The following LMO4 variants were observed in gnomAD, a reference collection of about 807,000 sequenced individuals.
LMO4 encodes the protein LIM domain transcription factor LMO4.
In LMO4, 3 loss-of-function variants were observed where a neutral mutation model predicts 18.5. The observed-to-expected ratio is 0.16, with a 90% CI of 0.07 to 0.42. The LOEUF is 0.42. Ranked by LOEUF, LMO4 falls within the 10% of genes least tolerant of loss-of-function variation. The pLI is 0.99. For synonymous variants in LMO4, 100 were observed against 88.1 expected, an observed-to-expected ratio of 1.14 and a Z score of -0.76; for missense variants, 121 against 219.9, an observed-to-expected ratio of 0.55 and a Z score of 2.84.
At chr1:87,333,068 A>G (rs1650200755) in intron 2 of LMO4, among the ~76,000 whole-genome samples, 1 of 152,242 alleles carries the variant, frequency 6.6e-6, no homozygotes, top group African/African-American at 2.4e-5. Flanking sequence ...AGCAATGTAT[A>G]GGAACATTCA....
At position 87,348,792 on chromosome 1, in the gene LMO4, C is replaced by T. The variant is rs766258734; in HGVS notation, c.*3996C>T. ...GAATGTTTTCAAGTTCAGATTGATT[C>T]TGCTGAGAATGGACGGCAACTCGGA... On this transcript the variant is annotated 3_prime_UTR_variant, in exon 5 of 5. Transcript: ENST00000370544. The T allele has an allele frequency of 5.9e-6, 3 of 509,844 alleles. No individual in the cohort carries two copies. Among genetic ancestry groups the T allele is most frequent in the African/African-American group, 1.9e-5 (1 of 51,828 alleles). The allele number at this position is 509,844 out of a possible 1,614,324, so 31.6% of individuals were successfully genotyped here.
chr1:87,345,674 A>G lies in LMO4; in HGVS notation c.*878A>G, dbSNP rs759290419. The G allele has an allele frequency of 3.3e-5, 5 of 152,198 alleles. No homozygotes were observed. The highest frequency in any genetic ancestry group is 6.5e-5 in the Admixed American group (1 of 15,280). The allele number at this position is 152,198 out of a possible 1,614,324, so 9.4% of individuals were successfully genotyped here. On this transcript the variant is annotated 3_prime_UTR_variant, in exon 5 of 5. Transcript: ENST00000370544. ...TTGTTGAATAACAAGCTCACTTTAA[A>G]TTTGAAGGAGTTGAGGGAGGTGGAG... is the stretch of plus-strand genomic sequence containing the variant.
At chr1:87,331,937 T>C in intron 1 of LMO4, 76 bp from the exon 2 acceptor site, 5 of 1,215,750 alleles carry the variant, frequency 4.1e-6, no homozygotes, top group Non-Finnish European at 5.9e-6. Flanking sequence ...GGGCTTGCTC[T>C]CTCTCCGGCG....
Position 87,344,987 on chromosome 1 carries a change from T to C in LMO4, c.*191T>C. 2.1e-6 allele frequency: 1 copy of C among 473,578 alleles called. No homozygotes were observed. The highest frequency in any genetic ancestry group is 3.7e-6 in the Non-Finnish European group (1 of 267,048). 29.3% of individuals were successfully genotyped at this position (473,578 alleles called of 1,614,324 possible). ...TATTAAAATGACTGAATATGAACAT[T>C]AAGGACTCCATGAACCTGGGCTAAT... On this transcript the variant is annotated 3_prime_UTR_variant, in exon 5 of 5. Coordinates refer to ENST00000370544, the MANE Select transcript of LMO4 (RefSeq NM_006769.4).
In LMO4 at chr1:87,340,155, G is replaced by A; in HGVS notation, c.442G>A (p.Gly148Ser). ...TGATAGACCTACAGCTCTCATCAAT[G>A]GCCATTTGAATTCACTTCAGAGCAA... ...EHDRPTALIN[G>S]HLNSLQSNPL... is the part of the protein sequence containing the mutation. The change falls in exon 4 of 5, where the codon GGC becomes AGC. Residue 148 changes from glycine to serine, a missense_variant. Gly to Ser is a moderately conservative substitution (Grantham distance 56). This residue lies in a region of LMO4 where 62 missense variants were observed against 128.8 expected (regional missense o/e 0.48). Transcript: ENST00000370544. 6.2e-7 allele frequency: 1 copy of A among 1,614,016 alleles called. No individual in the cohort carries two copies.
chr1:87,340,402 C>A (rs935105246), intron 4 of LMO4, among the ~76,000 whole-genome samples, 200 bp downstream of exon 4: 5 of 152,098 alleles, frequency 3.3e-5, no homozygotes, highest in African/African-American at 1.2e-4. Flanking sequence ...AAAAAAAAAT[C>A]CTGACTTTGT....
Position 87,344,899 on chromosome 1 carries a change from A to C in LMO4, c.*103A>C. 1 of 1,112,770 alleles carries C rather than the reference A, an allele frequency of 9.0e-7. No individual in the cohort carries two copies. Among genetic ancestry groups the C allele is most frequent in the Non-Finnish European group, 1.4e-6 (1 of 727,582 alleles). 68.9% of individuals were successfully genotyped at this position (1,112,770 alleles called of 1,614,324 possible). A position where few individuals can be genotyped will look rare whatever the true frequency, so the allele number is the denominator to read the frequency against. On this transcript the variant is annotated 3_prime_UTR_variant, in exon 5 of 5. Coordinates refer to ENST00000370544, the MANE Select transcript of LMO4 (RefSeq NM_006769.4). Reference sequence around the variant, plus strand: ...ACAAGTCACCTTTGTAGCTAGCACCAGTGCCAGCTCCATGCCATTGCACCT... The same window carrying C: ...ACAAGTCACCTTTGTAGCTAGCACCCGTGCCAGCTCCATGCCATTGCACCT...
At position 87,344,947 on chromosome 1, in the gene LMO4, C is replaced by T. The variant is rs1251799513; in HGVS notation, c.*151C>T. On this transcript the variant is annotated 3_prime_UTR_variant, in exon 5 of 5. Coordinates refer to ENST00000370544, the MANE Select transcript of LMO4 (RefSeq NM_006769.4). ...CCTTCTTTAGTCTTGATTGCCCTTC[C>T]CGCATTTATTGGTGTATTAAAATGA... is the stretch of plus-strand genomic sequence containing the variant. 4 of 691,770 alleles carry T rather than the reference C, an allele frequency of 5.8e-6. No homozygotes were observed. Among genetic ancestry groups the T allele is most frequent in the Non-Finnish European group, 7.6e-6 (3 of 395,850 alleles). 42.9% of individuals were successfully genotyped at this position (691,770 alleles called of 1,614,324 possible). A position where few individuals can be genotyped will look rare whatever the true frequency, so the allele number is the denominator to read the frequency against.
At chr1:87,331,077 C>T (rs1239789924) in intron 1 of LMO4, 1 of 41,952 alleles carries the variant, frequency 2.4e-5, no homozygotes, top group South Asian at 1.7e-3. Flanking sequence ...CCCCCCCCCC[C>T]CCGCCCTTTG....
rs1179796690 is a variant in LMO4, at chr1:87,348,262, A to C, written c.*3466A>C. On this transcript the variant is annotated 3_prime_UTR_variant, in exon 5 of 5. Transcript: ENST00000370544. ...AAAACCCCATCACCCTTCACCCCAAAGACCCCTTCACCCTTCACCAGGGAA... is the reference window on the plus strand; with the variant it reads ...AAAACCCCATCACCCTTCACCCCAACGACCCCTTCACCCTTCACCAGGGAA... 6.2e-6 allele frequency: 1 copy of C among 162,048 alleles called. No individual in the cohort carries two copies. Among genetic ancestry groups the C allele is most frequent in the Non-Finnish European group, 1.4e-5 (1 of 73,442 alleles). 10.0% of individuals were successfully genotyped at this position (162,048 alleles called of 1,614,324 possible). A position where few individuals can be genotyped will look rare whatever the true frequency, so the allele number is the denominator to read the frequency against.
Position 87,346,410 on chromosome 1 carries a change from A to C in LMO4, c.*1614A>C, listed in dbSNP as rs1650627952. The C allele has an allele frequency of 1.3e-5, 2 of 152,234 alleles. No homozygotes were observed. Among genetic ancestry groups the C allele is most frequent in the African/African-American group, 4.8e-5 (2 of 41,450 alleles). 9.4% of individuals were successfully genotyped at this position (152,234 alleles called of 1,614,324 possible). On this transcript the variant is annotated 3_prime_UTR_variant, in exon 5 of 5. Coordinates refer to ENST00000370544, the MANE Select transcript of LMO4 (RefSeq NM_006769.4). ...TGTACTGCCAGCTTCCTTAGATGTG[A>C]GCAAATTTCAACTACAACTTCCATC...
At chr1:87,344,720 T>G in intron 4 of LMO4, 68 bp from the exon 5 acceptor site, 1 of 1,483,578 alleles carries the variant, frequency 6.7e-7, no homozygotes, top group Non-Finnish European at 9.4e-7. Context: ...ACAAAAGCAG[T>G]CATGTTTGAG....
intron 2 of LMO4, among the ~76,000 whole-genome samples, chr1:87,334,121 G>T (rs1288661654): frequency 6.6e-6 from 1 of 152,148 alleles, no homozygotes; most frequent in East Asian, 1.9e-4. Flanking sequence ...GTGTTTTCCT[G>T]TGCCCTAATG....
intron 2 of LMO4, among the ~76,000 whole-genome samples, chr1:87,336,328 C>G (rs552233379): frequency 6.6e-6 from 1 of 152,306 alleles, no homozygotes; most frequent in East Asian, 1.9e-4. Flanking sequence ...CAGCCACACT[C>G]TCAGAAACGT....
chr1:87,330,295 G>C (rs982184504), intron 1 of LMO4, among the ~76,000 whole-genome samples: 5 of 152,098 alleles, frequency 3.3e-5, no homozygotes, highest in African/African-American at 1.2e-4. Flanking sequence ...AAAGGAATTC[G>C]GAGCGATTAA....
rs199679421 is a variant in LMO4, at chr1:87,344,819, C to T, written c.*23C>T. 121 of 1,612,604 alleles carry T rather than the reference C, an allele frequency of 7.5e-5. No homozygotes were observed. Among genetic ancestry groups the T allele is most frequent in the South Asian group, 5.5e-5 (5 of 91,034 alleles). ...TAAAAGGTCAGAGTAATGCAGAATGCGTGCCTTCATCTCAGATTTGTTCAT... is the reference window on the plus strand; with the variant it reads ...TAAAAGGTCAGAGTAATGCAGAATGTGTGCCTTCATCTCAGATTTGTTCAT... On this transcript the variant is annotated 3_prime_UTR_variant, in exon 5 of 5. Coordinates refer to ENST00000370544, the MANE Select transcript of LMO4 (RefSeq NM_006769.4).
Position 87,332,103 on chromosome 1 carries a change from A to G in LMO4, c.88A>G (p.Ile30Val). 1 of 1,614,028 alleles carries G rather than the reference A, an allele frequency of 6.2e-7. No homozygotes were observed. Among genetic ancestry groups the G allele is most frequent in the Non-Finnish European group, 8.5e-7 (1 of 1,180,024 alleles). The stretch of plus-strand genomic sequence containing the variant: ...GCGGTGCGCAGGCTGCGGGGGCAAG[A>G]TTGCGGACCGCTTTCTGCTCTATGC... The part of the protein sequence containing the change: ...WKRCAGCGGK[I>V]ADRFLLYAMD... Residue 30 changes from isoleucine to valine, a missense_variant, in exon 2 of 5, where the codon ATT becomes GTT. Coordinates refer to ENST00000370544, the MANE Select transcript of LMO4 (RefSeq NM_006769.4).
chr1:87,343,171 C>T (rs1194613854), intron 4 of LMO4, among the ~76,000 whole-genome samples: 1 of 152,118 alleles, frequency 6.6e-6, no homozygotes, highest in Non-Finnish European at 1.5e-5. Context: ...ATTGTCTGGT[C>T]CCTTTAAACT....
intron 2 of LMO4, 93 bp downstream of exon 2, chr1:87,332,344 G>A: frequency 1.1e-6 from 1 of 932,092 alleles, no homozygotes; most frequent in Non-Finnish European, 1.7e-6. Flanking sequence ...AGGCGTCTAC[G>A]GGGAGTATGC....
Sources: gnomAD v4.1 joint callset for allele counts (sites outside exome capture counted in the v4.1 genomes callset) on GRCh38, gnomAD v4.1.1 for gene constraint, gnomAD v4.1.1 regional missense constraint, MANE v1.5 for transcripts, NCBI Gene and HGNC (gene_info 2026-07-23, HGNC 2026-07-21) for gene names.